Variants in FHOD3 observed in about 807,000 individuals in gnomAD.
FHOD3 encodes the protein formin homology 2 domain containing 3.
A neutral mutation model predicts 173.0 loss-of-function variants in FHOD3; 90 were observed. The ratio of observed to expected loss-of-function variants is 0.52; its 90% CI spans 0.44 to 0.62. The LOEUF is 0.62. Among genes scored for constraint, FHOD3 ranks in the 20% least tolerant of loss-of-function variants. The pLI is 0.00. For missense variants in FHOD3, 1,945 were observed against 2,034.7 expected (o/e 0.96, Z 0.85); for synonymous variants, 828 against 823.0 (o/e 1.01, Z -0.10).
At chr18:36,686,211 A>G (rs1258700569) in intron 15 of FHOD3, among the ~76,000 whole-genome samples, 1 of 152,174 alleles carries the variant, frequency 6.6e-6, no homozygotes, top group Admixed American at 6.5e-5. Flanking sequence ...CCAAATGCCC[A>G]TCAATTGATA....
chr18:36,715,114 G>A (rs2040376516), intron 18 of FHOD3, among the ~76,000 whole-genome samples: 1 of 152,158 alleles, frequency 6.6e-6, no homozygotes, highest in South Asian at 2.1e-4. Context: ...ACCTGGCTCT[G>A]CCAGCCCTGA....
At chr18:36,570,643 T>A (rs2058420471) in intron 5 of FHOD3, among the ~76,000 whole-genome samples, 1 of 152,058 alleles carries the variant, frequency 6.6e-6, no homozygotes, top group Non-Finnish European at 1.5e-5. Flanking sequence ...CAAATATTAG[T>A]AAATCAAATC....
In FHOD3 at chr18:36,743,926, G is replaced by GAAACTGA; in HGVS notation, c.3880-104_3880-98dup. 2.3e-6 allele frequency: 3 copies of GAAACTGA among 1,293,628 alleles called. No individual in the cohort carries two copies. The South Asian group carries it at 3.6e-5, about 16-fold the overall frequency. The allele number at this position is 1,293,628 out of a possible 1,614,324, so 80.1% of individuals were successfully genotyped here. ...TGGCCCCAGGAGCTTCAGCCACAGA[G>GAAACTGA]AAACTGAATGTTGGGTGACTGCAGC... On this transcript the variant is annotated intron_variant, in intron 22 of 28. Coordinates refer to ENST00000590592, the MANE Select transcript of FHOD3 (RefSeq NM_001281740.3).
chr18:36,461,449 T>TTTG (rs1555714628), intron 3 of FHOD3, among the ~76,000 whole-genome samples: 84 of 149,244 alleles, frequency 5.6e-4, no homozygotes, highest in African/African-American at 2.1e-3. Flanking sequence ...CTGTTTTTTT[T>TTTG]TGTGTGTGTG....
rs528460607 is a variant in FHOD3, at chr18:36,332,990, G to T, written c.166-22549G>T. Among the ~76,000 whole-genome samples, 4 of 152,314 alleles carry T rather than the reference G, an allele frequency of 2.6e-5. No homozygotes were observed. In the East Asian group the frequency reaches 7.7e-4, roughly 29 times the overall value. On this transcript the variant is annotated intron_variant, in intron 1 of 28. Coordinates refer to ENST00000590592, the MANE Select transcript of FHOD3 (RefSeq NM_001281740.3). ...GGCTTGTGTACTCTTCTGTTTACTTGTGTGCCTCATTCATGTTTGCTATGA... is the reference window on the plus strand; with the variant it reads ...GGCTTGTGTACTCTTCTGTTTACTTTTGTGCCTCATTCATGTTTGCTATGA...
intron 20 of FHOD3, among the ~76,000 whole-genome samples, chr18:36,732,468 TG>T (rs892080908): frequency 6.6e-6 from 1 of 152,214 alleles, no homozygotes; most frequent in African/African-American, 2.4e-5. Context: ...CCCTGAGCTC[TG>T]GAGCCAAGCC....
intron 3 of FHOD3, among the ~76,000 whole-genome samples, chr18:36,432,249 G>C (rs2050587142): frequency 6.6e-6 from 1 of 152,138 alleles, no homozygotes. Flanking sequence ...ACTATACAAA[G>C]AGTCCACAGA....
rs140248142 is a variant in FHOD3 at position 36,503,695 on chromosome 18, C to G, written c.405+1696C>G. Among the ~76,000 whole-genome samples, 3 of 152,234 alleles carry G rather than the reference C, an allele frequency of 2.0e-5. No homozygotes were observed. In the East Asian group the frequency reaches 5.8e-4, roughly 29 times the overall value. On this transcript the variant is annotated intron_variant, in intron 4 of 28. Coordinates refer to ENST00000590592, the MANE Select transcript of FHOD3 (RefSeq NM_001281740.3). The stretch of plus-strand genomic sequence containing the variant: ...ATTCATGGCACTGTGTGTGTTTGGT[C>G]CTCCCTAACTCAGTCCATTCTTAGC...
intron 3 of FHOD3, among the ~76,000 whole-genome samples, chr18:36,457,648 A>G (rs2052300197): frequency 1.3e-5 from 2 of 152,290 alleles, no homozygotes; most frequent in South Asian, 4.2e-4. Flanking sequence ...ATTAGAGTGA[A>G]GGCAACCACA....
At chr18:36,298,493 C>T (rs1460484182) in intron 1 of FHOD3, among the ~76,000 whole-genome samples, 1 of 152,206 alleles carries the variant, frequency 6.6e-6, no homozygotes, top group Non-Finnish European at 1.5e-5. Flanking sequence ...CCACGCGACC[C>T]TCGCGACAAA....
chr18:36,624,746 C>T (rs1240281648), intron 9 of FHOD3, among the ~76,000 whole-genome samples: 2 of 151,984 alleles, frequency 1.3e-5, no homozygotes, highest in African/African-American at 4.8e-5. Context: ...CCATGTAAGC[C>T]GGAGTGGCAA....
intron 1 of FHOD3, among the ~76,000 whole-genome samples, chr18:36,310,931 G>T (rs118063678): frequency 0.026 from 3,939 of 152,216 alleles, 87 homozygotes; most frequent in Non-Finnish European, 0.037. Flanking sequence ...TGGGCCCGGG[G>T]CTAAGCTAAT....
chr18:36,561,241 A>G (rs2058072993), intron 5 of FHOD3, among the ~76,000 whole-genome samples: 1 of 152,258 alleles, frequency 6.6e-6, no homozygotes, highest in South Asian at 2.1e-4. Flanking sequence ...GGATGGCAAA[A>G]CAATTCTGTT....
chr18:36,715,653 G>T (rs572745914), intron 18 of FHOD3, among the ~76,000 whole-genome samples: 1 of 152,268 alleles, frequency 6.6e-6, no homozygotes, highest in South Asian at 2.1e-4. Context: ...AATTTATTGA[G>T]TAATTATAAT....
chr18:36,689,350 A>C (rs749313969), intron 16 of FHOD3, among the ~76,000 whole-genome samples: 6 of 152,212 alleles, frequency 3.9e-5, no homozygotes, highest in African/African-American at 7.2e-5. Flanking sequence ...CCCTTAATGC[A>C]AGACTCAGAA....
At chr18:36,638,827 C>T (rs1475883127) in intron 10 of FHOD3, among the ~76,000 whole-genome samples, 1 of 152,172 alleles carries the variant, frequency 6.6e-6, no homozygotes, top group East Asian at 1.9e-4. Context: ...ATTGCTGGAC[C>T]TCCCAAGACC....
chr18:36,686,400 C>T (rs776569499), intron 15 of FHOD3, among the ~76,000 whole-genome samples: 1 of 150,802 alleles, frequency 6.6e-6, no homozygotes, highest in Non-Finnish European at 1.5e-5. Context: ...GGGAGCTGAA[C>T]AGTGAGAACA....
intron 3 of FHOD3, among the ~76,000 whole-genome samples, chr18:36,407,735 G>C (rs1472433609): frequency 6.6e-6 from 1 of 152,232 alleles, no homozygotes. Flanking sequence ...GTAGGATACA[G>C]AGTGTGCATT....
intron 20 of FHOD3, among the ~76,000 whole-genome samples, chr18:36,736,682 C>G (rs573006349): frequency 6.6e-6 from 1 of 152,198 alleles, no homozygotes; most frequent in African/African-American, 2.4e-5. Flanking sequence ...CTCTTCTCCC[C>G]TTCTCTGCTC....
Sources: gnomAD v4.1 joint callset for allele counts (sites outside exome capture counted in the v4.1 genomes callset) on GRCh38, gnomAD v4.1.1 for gene constraint, MANE v1.5 for transcripts, NCBI Gene and HGNC (gene_info 2026-07-23, HGNC 2026-07-21) for gene names.